ITFG1: variants seen among roughly 807,000 people sequenced by gnomAD.
The protein encoded by ITFG1 is integrin alpha FG-GAP repeat containing 1.
Under a neutral mutation model 81.8 loss-of-function variants are expected in ITFG1, and 34 were observed. The ratio of observed to expected loss-of-function variants is 0.42; its 90% CI spans 0.32 to 0.55. ITFG1 has a LOEUF of 0.55. ITFG1 is among the 20% of genes least tolerant of loss of function. The probability of loss-of-function intolerance (pLI) is 0.17; values close to 1 mark genes in which losing one functional copy is unlikely to be tolerated. For synonymous variants in ITFG1, 285 were observed against 270.6 expected (o/e 1.05, Z -0.52); for missense variants, 672 against 755.4 (o/e 0.89, Z 1.29).
At chr16:47,280,935 G>A (rs1966445358) in intron 10 of ITFG1, among the ~76,000 whole-genome samples, 1 of 152,146 alleles carries the variant, frequency 6.6e-6, no homozygotes, top group Admixed American at 6.6e-5. Flanking sequence ...GGCCATGCTT[G>A]TGACCCTTGT....
chr16:47,370,325 G>A (rs1368065330), intron 7 of ITFG1, among the ~76,000 whole-genome samples: 1 of 152,086 alleles, frequency 6.6e-6, no homozygotes, highest in Non-Finnish European at 1.5e-5. Context: ...ATAAAATGGT[G>A]CTTTTCCGAG....
intron 6 of ITFG1, among the ~76,000 whole-genome samples, chr16:47,403,713 T>C (rs1968691484): frequency 6.6e-6 from 1 of 151,258 alleles, no homozygotes; most frequent in Non-Finnish European, 1.5e-5. Context: ...TATTTAATAC[T>C]CACTTTTAGA....
Position 47,459,161 on chromosome 16 carries a change from C to T in ITFG1, c.223G>A (p.Val75Ile), listed in dbSNP as rs768517802. 1.2e-5 allele frequency: 19 copies of T among 1,596,530 alleles called. No homozygotes were observed. Among genetic ancestry groups the T allele is most frequent in the South Asian group, 9.9e-5 (9 of 90,654 alleles). ...GGTGCATTCTGGTCTGCCAAAAAGA[C>T]GATTAAGTCATTTCCTAAAGAAAAC... The part of the protein sequence containing the change: ...FVLRERNDLI[V>I]FLADQNAPYF... Residue 75 changes from valine to isoleucine, a missense_variant, in exon 2 of 18, where the codon GTC becomes ATC. Val to Ile is a conservative substitution (Grantham distance 29, BLOSUM62 3). Around this residue, in one of 3 missense-constraint regions of ITFG1, gnomAD observed 560 missense variants for 625.7 expected, o/e 0.90. Coordinates refer to ENST00000320640, the MANE Select transcript of ITFG1 (RefSeq NM_030790.5).
At position 47,456,562 on chromosome 16, in the gene ITFG1, T is replaced by C. The variant is rs141068771; in HGVS notation, c.282-2404A>G. On this transcript the variant is annotated intron_variant, in intron 2 of 17. Transcript: ENST00000320640. ...ACAAAATTCGCTGGGCGTGGCGTTG[T>C]GCACCTGTAGTCCCAGCTACTCAGG... 1.1e-3 allele frequency among the ~76,000 whole-genome samples: 173 copies of C among 152,100 alleles called. 1 individual carries two copies. Among genetic ancestry groups the C allele is most frequent in the African/African-American group, 4.0e-3 (167 of 41,494 alleles).
intron 8 of ITFG1, among the ~76,000 whole-genome samples, chr16:47,348,768 C>T (rs1317956167): frequency 6.6e-6 from 1 of 152,100 alleles, no homozygotes; most frequent in Non-Finnish European, 1.5e-5. Flanking sequence ...TTAGATTCAC[C>T]AAAGTTGAAA....
intron 6 of ITFG1, among the ~76,000 whole-genome samples, chr16:47,379,810 T>A (rs1315951615): frequency 6.6e-6 from 1 of 152,006 alleles, no homozygotes; most frequent in African/African-American, 2.4e-5. Flanking sequence ...CCCCCACTTA[T>A]CTTTTACTGC....
chr16:47,379,416 G>A (rs144771844), intron 6 of ITFG1, among the ~76,000 whole-genome samples: 22 of 152,246 alleles, frequency 1.4e-4, no homozygotes, highest in African/African-American at 3.6e-4. Context: ...GACTGGGCAC[G>A]GTGGCTCACA....
intron 8 of ITFG1, among the ~76,000 whole-genome samples, chr16:47,357,483 T>C (rs2151584086): frequency 6.6e-6 from 1 of 151,730 alleles, no homozygotes; most frequent in South Asian, 2.1e-4. Context: ...GGCGTGGTGG[T>C]GGGCACCTGT....
At chr16:47,245,772 G>T (rs1204756758) in intron 12 of ITFG1, among the ~76,000 whole-genome samples, 1 of 151,452 alleles carries the variant, frequency 6.6e-6, no homozygotes, top group Admixed American at 6.6e-5. Context: ...TTTACAAATA[G>T]TCTTCCTTAA....
At chr16:47,183,409 C>T (rs1399180957) in intron 14 of ITFG1, among the ~76,000 whole-genome samples, 3 of 152,100 alleles carry the variant, frequency 2.0e-5, no homozygotes, top group Admixed American at 1.3e-4. Flanking sequence ...AGCAGTGGTT[C>T]TCCCAGCACG....
At chr16:47,291,981 G>C (rs1043992258) in intron 10 of ITFG1, among the ~76,000 whole-genome samples, 25 of 151,014 alleles carry the variant, frequency 1.7e-4, no homozygotes, top group African/African-American at 6.1e-4. Flanking sequence ...TACATTATTA[G>C]AGATATGATA....
chr16:47,260,566 G>C lies in ITFG1; in HGVS notation c.1200C>G (p.Thr400=). The change falls in exon 11 of 18, where the codon ACC becomes ACG. Residue 400 remains threonine (T), a synonymous_variant. Coordinates refer to ENST00000320640, the MANE Select transcript of ITFG1 (RefSeq NM_030790.5). ...TCACATCTTCGTAAATGTCAAAGAA[G>C]GTGGCAACCATGGCATCCTTAATTT... ...LNQIKDAMVA[T]FFDIYEDGIL... is the part of the protein sequence containing the mutation. The C allele has an allele frequency of 6.2e-7, 1 of 1,614,116 alleles. No individual in the cohort carries two copies. Among genetic ancestry groups the C allele is most frequent in the Non-Finnish European group, 8.5e-7 (1 of 1,180,002 alleles).
chr16:47,459,539 G>T (rs1284935545), intron 1 of ITFG1, among the ~76,000 whole-genome samples: 2 of 152,164 alleles, frequency 1.3e-5, no homozygotes, highest in African/African-American at 4.8e-5. Flanking sequence ...TAGCAATGCT[G>T]TCCCTTGTAA....
chr16:47,240,792 T>G (rs375951062), intron 12 of ITFG1, among the ~76,000 whole-genome samples: 1 of 152,204 alleles, frequency 6.6e-6, no homozygotes, highest in African/African-American at 2.4e-5. Flanking sequence ...AAATAAGCAG[T>G]CATTTATTGT....
intron 7 of ITFG1, among the ~76,000 whole-genome samples, chr16:47,367,549 G>T (rs12102280): frequency 6.6e-6 from 1 of 152,228 alleles, no homozygotes; most frequent in Non-Finnish European, 1.5e-5. Flanking sequence ...ATGTTAGGAA[G>T]TGGGGACTAA....
At chr16:47,215,302 T>C (rs1357621490) in intron 14 of ITFG1, among the ~76,000 whole-genome samples, 1 of 152,208 alleles carries the variant, frequency 6.6e-6, no homozygotes, top group African/African-American at 2.4e-5. Flanking sequence ...GGAATTTTCA[T>C]CCTTTAAAAT....
rs530178989 is a variant in ITFG1, at chr16:47,302,297, TCATAAG to T, written c.1070+8937_1070+8942del. 4.2e-3 allele frequency among the ~76,000 whole-genome samples: 633 copies of T among 152,200 alleles called. 5 individuals carry two copies. Among genetic ancestry groups the T allele is most frequent in the African/African-American group, 0.015 (605 of 41,536 alleles). ...AGAGAAATTTGTCTTTTAAAATAAG[TCATAAG>T]CACTGCTCCCAAATACTTCAGTTAA... On this transcript the variant is annotated intron_variant, in intron 10 of 17. Transcript: ENST00000320640.
chr16:47,260,809 C>T lies in ITFG1; in HGVS notation c.1071-114G>A, dbSNP rs895338587. 64 of 1,106,844 alleles carry T rather than the reference C, an allele frequency of 5.8e-5. 1 individual carries two copies. Among genetic ancestry groups the T allele is most frequent in the South Asian group, 3.9e-4 (22 of 56,922 alleles). The allele number at this position is 1,106,844 out of a possible 1,614,324, so 68.6% of individuals were successfully genotyped here. ...GTAAACGGTACACAGTGAAATTACA[C>T]GAAAAAATCTCCACATTTTTTGTTT... On this transcript the variant is annotated intron_variant, in intron 10 of 17. Transcript: ENST00000320640.
intron 6 of ITFG1, among the ~76,000 whole-genome samples, chr16:47,399,532 C>T (rs921632860): frequency 2.6e-5 from 4 of 151,548 alleles, no homozygotes; most frequent in South Asian, 2.1e-4. Flanking sequence ...GAGATCACGC[C>T]GCTGCACTCC....
Sources: gnomAD v4.1 joint callset for allele counts (sites outside exome capture counted in the v4.1 genomes callset) on GRCh38, gnomAD v4.1.1 for gene constraint, gnomAD v4.1.1 regional missense constraint, MANE v1.5 for transcripts, NCBI Gene and HGNC (gene_info 2026-07-23, HGNC 2026-07-21) for gene names.